FAR2: variants seen among roughly 807,000 people sequenced by gnomAD.
FAR2 encodes fatty acyl-CoA reductase 2.
Under a neutral mutation model 56.0 loss-of-function variants are expected in FAR2, and 19 were observed. The observed-to-expected ratio is 0.34, with a 90% CI of 0.24 to 0.50. The LOEUF is 0.50. Ranked by LOEUF, FAR2 falls within the 20% of genes least tolerant of loss-of-function variation. FAR2 has a pLI of 0.98. For missense variants in FAR2, 508 were observed against 642.2 expected (o/e 0.79, Z 2.26); for synonymous variants, 219 against 218.8 (o/e 1.00, Z -0.01).
intron 10 of FAR2, among the ~76,000 whole-genome samples, chr12:29,325,684 G>A (rs1949632112): frequency 6.6e-6 from 1 of 152,130 alleles, no homozygotes; most frequent in Non-Finnish European, 1.5e-5. Context: ...CAGAAATAAA[G>A]ACATTCTTTG....
intron 2 of FAR2, among the ~76,000 whole-genome samples, chr12:29,279,619 C>G (rs74848267): frequency 0.027 from 4,066 of 152,164 alleles, 77 homozygotes; most frequent in Non-Finnish European, 0.041. Flanking sequence ...GGTCCCACAG[C>G]TATGTTTTGG....
chr12:29,193,477 C>T (rs1455265797), intron 1 of FAR2, among the ~76,000 whole-genome samples: 4 of 152,162 alleles, frequency 2.6e-5, no homozygotes, highest in Non-Finnish European at 5.9e-5. Flanking sequence ...TACAGAGTGT[C>T]ATGTAAGTGG....
intron 2 of FAR2, among the ~76,000 whole-genome samples, chr12:29,280,007 C>T (rs1948762376): frequency 1.3e-5 from 2 of 151,638 alleles, no homozygotes; most frequent in Non-Finnish European, 2.9e-5. Flanking sequence ...TCACTGCAAC[C>T]TCCACCACCC....
chr12:29,286,752 A>T (rs1948881992), intron 2 of FAR2, among the ~76,000 whole-genome samples: 1 of 152,216 alleles, frequency 6.6e-6, no homozygotes, highest in South Asian at 2.1e-4. Flanking sequence ...TGTCTTTAAG[A>T]ATAGCATAAT....
intron 2 of FAR2, among the ~76,000 whole-genome samples, chr12:29,291,256 G>C (rs1948961192): frequency 6.6e-6 from 1 of 152,210 alleles, no homozygotes; most frequent in Non-Finnish European, 1.5e-5. Flanking sequence ...TTCAGAGTCA[G>C]TGTTTCCCAA....
chr12:29,208,686 C>A (rs1235060204), intron 1 of FAR2, among the ~76,000 whole-genome samples: 2 of 152,054 alleles, frequency 1.3e-5, no homozygotes, highest in Non-Finnish European at 2.9e-5. Flanking sequence ...GCCAGTCTAG[C>A]TCTGGAGACA....
intron 1 of FAR2, among the ~76,000 whole-genome samples, chr12:29,168,794 A>G (rs1949856833): frequency 1.3e-5 from 2 of 152,218 alleles, no homozygotes; most frequent in African/African-American, 4.8e-5. Flanking sequence ...TGAAGAGCAA[A>G]AGAACAAAAC....
chr12:29,325,230 G>A (rs1021451597), intron 10 of FAR2, among the ~76,000 whole-genome samples: 1 of 152,100 alleles, frequency 6.6e-6, no homozygotes, highest in Non-Finnish European at 1.5e-5. Context: ...CCCAATACAG[G>A]AGCACCCAGA....
At chr12:29,192,378 A>G (rs889476875) in intron 1 of FAR2, among the ~76,000 whole-genome samples, 4 of 152,198 alleles carry the variant, frequency 2.6e-5, no homozygotes, top group African/African-American at 7.2e-5. Context: ...AACCCAAAGA[A>G]GCCAAGAAGA....
At chr12:29,264,416 C>A (rs977484353) in intron 1 of FAR2, among the ~76,000 whole-genome samples, 1 of 152,030 alleles carries the variant, frequency 6.6e-6, no homozygotes, top group Non-Finnish European at 1.5e-5. Flanking sequence ...TGGAACACAA[C>A]AAGGATGACC....
chr12:29,174,423 CTTTTTTTTTTT>C (rs55827253), intron 1 of FAR2, among the ~76,000 whole-genome samples: 12 of 55,434 alleles, frequency 2.2e-4, no homozygotes, highest in South Asian at 2.0e-3. Flanking sequence ...GGTTTTTATT[CTTTTTTTTTTT>C]TTTTTTTTTT....
intron 2 of FAR2, chr12:29,281,496 T>C (rs1168109364): frequency 6.6e-6 from 1 of 152,200 alleles, no homozygotes; most frequent in East Asian, 1.9e-4. Context: ...CTGAAGTGGC[T>C]GTTAAGAAGT....
intron 2 of FAR2, among the ~76,000 whole-genome samples, chr12:29,274,471 CTT>C (rs1351413359): frequency 6.6e-6 from 1 of 151,958 alleles, no homozygotes; most frequent in Non-Finnish European, 1.5e-5. Context: ...GGTTCCAAGT[CTT>C]TGCTATTGTG....
chr12:29,231,115 C>T (rs929249376), intron 1 of FAR2, among the ~76,000 whole-genome samples: 3 of 152,122 alleles, frequency 2.0e-5, no homozygotes, highest in Admixed American at 6.6e-5. Flanking sequence ...TTAAGAGTTC[C>T]AAACTGGGAC....
chr12:29,273,458 G>A (rs753724594), intron 2 of FAR2, among the ~76,000 whole-genome samples: 1 of 152,238 alleles, frequency 6.6e-6, no homozygotes, highest in African/African-American at 2.4e-5. Flanking sequence ...CTGCCACGGT[G>A]TGTAGGGCTG....
intron 1 of FAR2, among the ~76,000 whole-genome samples, chr12:29,242,918 GT>G (rs760181599): frequency 2.6e-5 from 4 of 152,268 alleles, no homozygotes; most frequent in African/African-American, 4.8e-5. Context: ...GGGTATAATA[GT>G]TATGTGGAAC....
At chr12:29,205,626 A>G (rs1344246340) in intron 1 of FAR2, among the ~76,000 whole-genome samples, 2 of 152,186 alleles carry the variant, frequency 1.3e-5, no homozygotes, top group African/African-American at 4.8e-5. Context: ...AAAAAGCTTC[A>G]TGGTCCTTTA....
intron 1 of FAR2, among the ~76,000 whole-genome samples, chr12:29,248,366 C>T (rs1158777009): frequency 1.3e-5 from 2 of 151,958 alleles, no homozygotes; most frequent in Non-Finnish European, 2.9e-5. Context: ...GCTGGGCGTC[C>T]AGGGGAGACA....
intron 2 of FAR2, among the ~76,000 whole-genome samples, chr12:29,281,984 T>G (rs1223425505): frequency 6.6e-6 from 1 of 152,164 alleles, no homozygotes; most frequent in Admixed American, 6.5e-5. Flanking sequence ...AGTCTTAAAT[T>G]AGGAATGCAC....
Sources: allele counts gnomAD v4.1 joint callset (sites outside exome capture counted in the v4.1 genomes callset), GRCh38; gene constraint gnomAD v4.1.1; transcripts MANE v1.5; gene names NCBI Gene and HGNC (gene_info 2026-07-23, HGNC 2026-07-21).